The following STX8 variants were observed in gnomAD, a reference collection of about 807,000 sequenced individuals.
The protein encoded by STX8 is syntaxin-8.
In STX8, 23 loss-of-function variants were observed where a neutral mutation model predicts 37.5. The observed-to-expected ratio is 0.61, with a 90% CI of 0.44 to 0.87. STX8 has a LOEUF of 0.87. Among genes scored for constraint, STX8 ranks in the 40% least tolerant of loss-of-function variants. STX8 has a pLI of 0.00. For synonymous variants in STX8, 115 were observed against 99.1 expected (o/e 1.16, Z -0.95); for missense variants, 313 against 284.7 (o/e 1.10, Z -0.71).
chr17:9,385,247 C>T (rs1256033426), intron 6 of STX8, among the ~76,000 whole-genome samples: 1 of 152,174 alleles, frequency 6.6e-6, no homozygotes, highest in Non-Finnish European at 1.5e-5. Context: ...TTTGTCTCAT[C>T]AGCATTGAAC....
intron 4 of STX8, among the ~76,000 whole-genome samples, chr17:9,536,110 GAGA>G (rs1906041556): frequency 6.6e-6 from 1 of 152,204 alleles, no homozygotes; most frequent in Non-Finnish European, 1.5e-5. Context: ...TTATGTTGAG[GAGA>G]AGGAGACATA....
At chr17:9,289,734 C>T (rs1240995852) in intron 7 of STX8, among the ~76,000 whole-genome samples, 14 of 151,538 alleles carry the variant, frequency 9.2e-5, no homozygotes, top group Middle Eastern at 3.2e-3. Flanking sequence ...GAGTCGGGAT[C>T]GCGCCACTGC....
chr17:9,477,693 A>C (rs1467409974), intron 6 of STX8, among the ~76,000 whole-genome samples: 1 of 152,232 alleles, frequency 6.6e-6, no homozygotes, highest in Non-Finnish European at 1.5e-5. Context: ...AACAAAACAG[A>C]AGATGAAGAG....
intron 7 of STX8, among the ~76,000 whole-genome samples, chr17:9,251,028 T>C (rs1284004645): frequency 1.3e-5 from 2 of 152,208 alleles, no homozygotes; most frequent in African/African-American, 4.8e-5. Context: ...GCAAAGGGCT[T>C]AGGAGAGCAT....
intron 6 of STX8, chr17:9,437,708 C>T (rs918725667): frequency 1.3e-5 from 2 of 152,190 alleles, no homozygotes; most frequent in Non-Finnish European, 2.9e-5. Context: ...GGCCTTATAT[C>T]TATAAGCAAT....
At chr17:9,399,941 T>G (rs1690300135) in intron 6 of STX8, among the ~76,000 whole-genome samples, 4 of 151,690 alleles carry the variant, frequency 2.6e-5, no homozygotes, top group Admixed American at 2.6e-4. Context: ...TTCCAAAATA[T>G]TAAGTAAATA....
At chr17:9,289,085 T>C (rs369480045) in intron 7 of STX8, among the ~76,000 whole-genome samples, 2 of 152,192 alleles carry the variant, frequency 1.3e-5, no homozygotes, top group South Asian at 4.1e-4. Flanking sequence ...GGCACTGGAC[T>C]TCTCTATGGC....
At chr17:9,313,088 G>A (rs1909249152) in intron 7 of STX8, among the ~76,000 whole-genome samples, 1 of 152,138 alleles carries the variant, frequency 6.6e-6, no homozygotes, top group Non-Finnish European at 1.5e-5. Flanking sequence ...CTATTCAGGA[G>A]ACTGAGACAG....
intron 7 of STX8, among the ~76,000 whole-genome samples, chr17:9,354,545 C>A (rs546739026): frequency 2.6e-4 from 39 of 152,052 alleles, no homozygotes; most frequent in African/African-American, 8.9e-4. Flanking sequence ...TGGTCTTGAT[C>A]TCCTAATCTC....
intron 6 of STX8, among the ~76,000 whole-genome samples, chr17:9,485,168 G>C (rs1400496025): frequency 6.6e-6 from 1 of 152,172 alleles, no homozygotes; most frequent in African/African-American, 2.4e-5. Flanking sequence ...AGACAACACT[G>C]ATACAAGGCA....
chr17:9,272,108 C>A (rs1448189844), intron 7 of STX8, among the ~76,000 whole-genome samples: 1 of 152,228 alleles, frequency 6.6e-6, no homozygotes, highest in Admixed American at 6.5e-5. Flanking sequence ...CCCTCAGCCT[C>A]ATTTCCTCTT....
Position 9,271,020 on chromosome 17 carries a change from C to T in STX8, c.644-20375G>A, listed in dbSNP as rs79840359. ...TTCATGTTTCATTCATTCCTTGTAA[C>T]TTTTTGTCACCCTCTATTGGGAGAC... is the stretch of plus-strand genomic sequence containing the variant. On this transcript the variant is annotated intron_variant, in intron 7 of 7. Coordinates refer to ENST00000306357, the MANE Select transcript of STX8 (RefSeq NM_004853.3). Among the ~76,000 whole-genome samples, 168 of 152,268 alleles carry T rather than the reference C, an allele frequency of 1.1e-3. No individual in the cohort carries two copies. In the East Asian group the frequency reaches 0.024, roughly 22 times the overall value.
intron 4 of STX8, among the ~76,000 whole-genome samples, chr17:9,526,847 G>C (rs932755630): frequency 3.3e-5 from 5 of 151,504 alleles, no homozygotes; most frequent in Admixed American, 6.6e-5. Flanking sequence ...TGGGCAACAA[G>C]AGCAAAACTC....
At chr17:9,348,155 G>A (rs1423661092) in intron 7 of STX8, among the ~76,000 whole-genome samples, 1 of 152,020 alleles carries the variant, frequency 6.6e-6, no homozygotes, top group African/African-American at 2.4e-5. Context: ...GCTGGGCGCG[G>A]TGGCTCACAC....
chr17:9,369,653 AG>A (rs1911339152), intron 7 of STX8, among the ~76,000 whole-genome samples: 1 of 152,158 alleles, frequency 6.6e-6, no homozygotes, highest in Non-Finnish European at 1.5e-5. Context: ...GCACTTTGGG[AG>A]GCTGAGGCAG....
intron 6 of STX8, among the ~76,000 whole-genome samples, chr17:9,389,530 CAAGGATTAAGAAATATTAT>C (rs1014902108): frequency 6.6e-6 from 1 of 152,156 alleles, no homozygotes; most frequent in Non-Finnish European, 1.5e-5. Flanking sequence ...GACAGCATCA[CAAGGATTAAGAAATATTAT>C]ATGATGTCAA....
chr17:9,383,084 T>G (rs1911876294), intron 6 of STX8, among the ~76,000 whole-genome samples: 1 of 152,174 alleles, frequency 6.6e-6, no homozygotes, highest in Non-Finnish European at 1.5e-5. Flanking sequence ...GAAGTTACAA[T>G]GAAGACAGCT....
chr17:9,344,950 G>A (rs1910483249), intron 7 of STX8, among the ~76,000 whole-genome samples: 2 of 152,096 alleles, frequency 1.3e-5, no homozygotes, highest in Admixed American at 6.6e-5. Context: ...GTTTTAACCT[G>A]GTCAGTGTTT....
intron 6 of STX8, among the ~76,000 whole-genome samples, chr17:9,380,346 A>G (rs1452304780): frequency 6.7e-6 from 1 of 150,034 alleles, no homozygotes; most frequent in African/African-American, 2.5e-5. Context: ...GCAGTCTTCA[A>G]GGCTCTAGCA....
Sources: allele counts gnomAD v4.1 joint callset (sites outside exome capture counted in the v4.1 genomes callset), GRCh38; gene constraint gnomAD v4.1.1; transcripts MANE v1.5; gene names NCBI Gene and HGNC (gene_info 2026-07-23, HGNC 2026-07-21).